Variants in NFIB observed in about 807,000 individuals in gnomAD.
The protein encoded by NFIB is nuclear factor I B.
Under a neutral mutation model 61.5 loss-of-function variants are expected in NFIB, and 11 were observed. The observed-to-expected ratio is 0.18, with a 90% CI of 0.11 to 0.30. The LOEUF (loss-of-function observed/expected upper bound fraction) is 0.30, where lower values mean the gene tolerates loss of function less well. NFIB is among the 10% of genes least tolerant of loss of function. NFIB has a pLI of 1.00. For missense variants in NFIB, 471 were observed against 608.9 expected, an observed-to-expected ratio of 0.77 and a Z score of 2.38; for synonymous variants, 260 against 216.5, an observed-to-expected ratio of 1.20 and a Z score of -1.76.
chr9:14,403,874 A>G (rs2061766091), upstream of NFIB, among the ~76,000 whole-genome samples: 1 of 152,208 alleles, frequency 6.6e-6, no homozygotes, highest in African/African-American at 2.4e-5. Flanking sequence ...AATTCTTATA[A>G]GACATACTCA....
the NFIB span, among the ~76,000 whole-genome samples, chr9:14,530,998 C>T: frequency 1.3e-5 from 2 of 152,168 alleles, no homozygotes; most frequent in African/African-American, 4.8e-5. Context: ...GAAATGCTTG[C>T]CTGTGGAAAG....
At chr9:14,509,606 C>T in the NFIB span, among the ~76,000 whole-genome samples, 1 of 152,224 alleles carries the variant, frequency 6.6e-6, no homozygotes, top group Non-Finnish European at 1.5e-5. Flanking sequence ...ATCAACAGTA[C>T]TCCTTGCCCT....
At chr9:14,155,406 G>A (rs976036822) in intron 4 of NFIB, among the ~76,000 whole-genome samples, 4 of 152,120 alleles carry the variant, frequency 2.6e-5, no homozygotes, top group African/African-American at 9.7e-5. Context: ...GCACGTTAGT[G>A]TGTATATCCT....
At chr9:14,489,105 C>G in the NFIB span, among the ~76,000 whole-genome samples, 1 of 152,208 alleles carries the variant, frequency 6.6e-6, no homozygotes, top group Non-Finnish European at 1.5e-5. Context: ...GGAAAGAATA[C>G]TCCATTTGGT....
At chr9:14,231,136 ATATATATATATATAT>A (rs1324650031) in intron 2 of NFIB, among the ~76,000 whole-genome samples, 1 of 20,872 alleles carries the variant, frequency 4.8e-5, no homozygotes, top group Non-Finnish European at 1.1e-4. Flanking sequence ...AAAAAAAAAA[ATATATATATATATAT>A]ATATATATAT....
intron 1 of NFIB, among the ~76,000 whole-genome samples, chr9:14,384,414 T>C (rs1055489818): frequency 6.6e-6 from 1 of 152,230 alleles, no homozygotes; most frequent in African/African-American, 2.4e-5. Context: ...TGATACTTGA[T>C]AGCTCAGCCT....
chr9:14,222,805 A>AAAAAAAAG (rs1479547684), intron 2 of NFIB, among the ~76,000 whole-genome samples: 4 of 150,892 alleles, frequency 2.7e-5, no homozygotes, highest in South Asian at 4.2e-4. Flanking sequence ...CAAAAAAAAA[A>AAAAAAAAG]AAAAGAAAGA....
chr9:14,297,979 A>G (rs10429540), intron 2 of NFIB, among the ~76,000 whole-genome samples: 119,864 of 151,792 alleles, frequency 0.79, 51,941 homozygotes, highest in Non-Finnish European at 0.97. Flanking sequence ...TGAAGAGTAG[A>G]AAAAAAACAA....
intron 3 of NFIB, among the ~76,000 whole-genome samples, chr9:14,176,926 G>A (rs551845184): frequency 6.6e-6 from 1 of 152,258 alleles, no homozygotes; most frequent in South Asian, 2.1e-4. Flanking sequence ...AAAAGGGCTT[G>A]AATTTTTGCC....
At chr9:14,476,155 TA>T in the NFIB span, among the ~76,000 whole-genome samples, 1 of 151,768 alleles carries the variant, frequency 6.6e-6, no homozygotes, top group African/African-American at 2.4e-5. Flanking sequence ...AACCAAATAT[TA>T]GAAGTTCAAA....
At chr9:14,386,288 A>G (rs565756426) in intron 1 of NFIB, among the ~76,000 whole-genome samples, 2 of 152,330 alleles carry the variant, frequency 1.3e-5, no homozygotes, top group South Asian at 2.1e-4. Flanking sequence ...GTTCCCAAAT[A>G]TCTTAGTACC....
chr9:14,508,884 G>A, the NFIB span, among the ~76,000 whole-genome samples: 1 of 152,140 alleles, frequency 6.6e-6, no homozygotes, highest in Admixed American at 6.6e-5. Context: ...TTCTACTCTT[G>A]TTCACAAATT....
At chr9:14,480,741 G>A in the NFIB span, among the ~76,000 whole-genome samples, 1 of 152,138 alleles carries the variant, frequency 6.6e-6, no homozygotes, top group Non-Finnish European at 1.5e-5. Flanking sequence ...AGCCACCATG[G>A]AGGAACAGTT....
chr9:14,287,492 C>T (rs996700924), intron 2 of NFIB, among the ~76,000 whole-genome samples: 5 of 151,926 alleles, frequency 3.3e-5, no homozygotes, highest in Non-Finnish European at 7.4e-5. Context: ...GGCGCGATCT[C>T]GGCTCACTGC....
At chr9:14,500,407 T>C in the NFIB span, among the ~76,000 whole-genome samples, 4 of 152,106 alleles carry the variant, frequency 2.6e-5, no homozygotes, top group Non-Finnish European at 4.4e-5. Flanking sequence ...AATTAGAAGA[T>C]GGCTGGGTCA....
At chr9:14,490,533 G>A in the NFIB span, among the ~76,000 whole-genome samples, 1 of 152,044 alleles carries the variant, frequency 6.6e-6, no homozygotes, top group African/African-American at 2.4e-5. Flanking sequence ...CCAAAATATG[G>A]AAGACATTGT....
At chr9:14,460,603 G>A in the NFIB span, among the ~76,000 whole-genome samples, 1 of 151,944 alleles carries the variant, frequency 6.6e-6, no homozygotes. Context: ...CAAAAATCCT[G>A]AACTCAATAT....
intron 2 of NFIB, among the ~76,000 whole-genome samples, chr9:14,217,434 G>A (rs2051052130): frequency 6.6e-6 from 1 of 152,108 alleles, no homozygotes; most frequent in Non-Finnish European, 1.5e-5. Context: ...GCCAAGGTGG[G>A]TGGATCACCT....
At chr9:14,463,664 T>TTC in the NFIB span, among the ~76,000 whole-genome samples, 1 of 67,120 alleles carries the variant, frequency 1.5e-5, no homozygotes, top group Non-Finnish European at 2.9e-5. Flanking sequence ...ATTTTCTTTT[T>TTC]TTTTTTTTTT....
Sources: gnomAD v4.1 joint callset for allele counts (sites outside exome capture counted in the v4.1 genomes callset) on GRCh38, gnomAD v4.1.1 for gene constraint, MANE v1.5 for transcripts, NCBI Gene and HGNC (gene_info 2026-07-23, HGNC 2026-07-21) for gene names.